ZSCAN29: variants seen among roughly 807,000 people sequenced by gnomAD.
ZSCAN29 encodes zinc finger and SCAN domain-containing protein 29.
In ZSCAN29, 55 loss-of-function variants were observed where a neutral mutation model predicts 71.9. The ratio of observed to expected loss-of-function variants is 0.76; its 90% CI spans 0.62 to 0.96. The LOEUF is 0.96. Ranked by LOEUF, ZSCAN29 falls within the 40% of genes least tolerant of loss-of-function variation. The probability of loss-of-function intolerance (pLI) is 0.00; values close to 1 mark genes in which losing one functional copy is unlikely to be tolerated. For synonymous variants in ZSCAN29, 351 were observed against 371.6 expected (o/e 0.94, Z 0.64); for missense variants, 1,042 against 1,042.2 (o/e 1.00, Z 0.00).
chr15:43,361,643 G>C lies in ZSCAN29; in HGVS notation c.1989C>G (p.Asn663Lys), dbSNP rs772096076. ...GGGATACCTGATGCATGAGAAGGGA[G>C]TTTGGACCAAAGCTTTTGCTGTATT... ...YLKYSKSFGP[N>K]SLLMHQVSHQ... The change falls in exon 6 of 6, where the codon AAC (asparagine) becomes AAG (lysine). Residue 663 changes from asparagine (N) to lysine (K), a missense_variant. By Grantham distance (94) the Asn-to-Lys change is moderately conservative (BLOSUM62 0). Coordinates refer to ENST00000684362, the MANE Select transcript of ZSCAN29 (RefSeq NM_001372080.1). 15 of 1,614,194 alleles carry C rather than the reference G, an allele frequency of 9.3e-6. No homozygotes were observed. Among genetic ancestry groups the C allele is most frequent in the Non-Finnish European group, 1.3e-5 (15 of 1,180,032 alleles).
Position 43,361,258 on chromosome 15 carries a change from A to C in ZSCAN29, c.2374T>G (p.Cys792Gly). The change falls in exon 6 of 6, where the codon TGT (cysteine) becomes GGT (glycine). Residue 792 changes from cysteine to glycine, a missense_variant. Transcript: ENST00000684362. ...CTGAAACTCTTTCCACAGTCAGGAC[A>C]CACATGGGGTCTCTCTCCTGTGTGT... ...RIHTGERPHVCPDCGKSFSKS... is the reference protein window; with the variant it reads ...RIHTGERPHVGPDCGKSFSKS... The C allele has an allele frequency of 6.2e-7, 1 of 1,614,202 alleles. No homozygotes were observed. Among genetic ancestry groups the C allele is most frequent in the South Asian group, 1.1e-5 (1 of 91,086 alleles).
At position 43,366,482 on chromosome 15, in the gene ZSCAN29, C is replaced by T; in HGVS notation, c.850G>A (p.Glu284Lys). 1 of 1,614,222 alleles carries T rather than the reference C, an allele frequency of 6.2e-7. No homozygotes were observed. The highest frequency in any genetic ancestry group is 8.5e-7 in the Non-Finnish European group (1 of 1,180,050). The change falls in exon 4 of 6, where the codon GAG becomes AAG. Residue 284 changes from glutamate (E) to lysine (K), a missense_variant. By Grantham distance (56) the Glu-to-Lys change is moderately conservative (BLOSUM62 1). Coordinates refer to ENST00000684362, the MANE Select transcript of ZSCAN29 (RefSeq NM_001372080.1). ...RNSQVYGAVA[E>K]RLREYGFLRT... ...AGGAAGCCATATTCCCTGAGCCGCT[C>T]AGCCACAGCCCCATACACTTGGCTG...
Position 43,370,975 on chromosome 15 carries a change from A to ACCCCGGCCCCGACCCCGGCCCCGG in ZSCAN29, c.-531_-530insCCGGGGCCGGGGTCGGGGCCGGGG, listed in dbSNP as rs1555393158. The stretch of plus-strand genomic sequence containing the variant: ...CTCACCCACTCGGGGTCCGACCCTG[A>ACCCCGGCCCCGACCCCGGCCCCGG]CCCCGGCCCCGGCCCCGGCCCCGGC... On this transcript the variant is annotated 5_prime_UTR_variant, in exon 1 of 6. Transcript: ENST00000684362. 1.0e-4 allele frequency: 26 copies of ACCCCGGCCCCGACCCCGGCCCCGG among 259,452 alleles called. 1 individual carries two copies. The highest frequency in any genetic ancestry group is 1.6e-4 in the Non-Finnish European group (21 of 129,576). The allele number at this position is 259,452 out of a possible 1,614,324, so 16.1% of individuals were successfully genotyped here. A position where few individuals can be genotyped will look rare whatever the true frequency, so the allele number is the denominator to read the frequency against.
chr15:43,370,217 G>GT (rs1163911868), intron 1 of ZSCAN29, 192 bp from the exon 2 acceptor site: 1 of 337,198 alleles, frequency 3.0e-6, no homozygotes, highest in Non-Finnish European at 5.5e-6. Context: ...GAGAATAAAA[G>GT]TACTGTCTGC....
rs549809797 is a variant in ZSCAN29 at position 43,361,012 on chromosome 15, T to C, written c.*61A>G. ...ACAGAATAGTAGATGAATCTCACTA[T>C]TGGAAGACTTTCTAAACAATACATT... On this transcript the variant is annotated 3_prime_UTR_variant, in exon 6 of 6. Transcript: ENST00000684362. 9 of 1,515,236 alleles carry C rather than the reference T, an allele frequency of 5.9e-6. No individual in the cohort carries two copies. In the East Asian group the frequency reaches 6.8e-5, roughly 11 times the overall value. 93.9% of individuals were successfully genotyped at this position (1,515,236 alleles called of 1,614,324 possible).
intron 3 of ZSCAN29, among the ~76,000 whole-genome samples, chr15:43,367,078 A>G (rs570457162): frequency 2.6e-5 from 4 of 152,308 alleles, no homozygotes; most frequent in African/African-American, 4.8e-5. Context: ...AAGCTCTCCT[A>G]TTTGTAGGCA....
In ZSCAN29 at chr15:43,360,843, C is replaced by T. The variant is rs752682924; in HGVS notation, c.*230G>A. ...GCACTGAGAGGGAAAAGATGTTATC[C>T]ATCAATTCAGATGCAGGCAAAGAGA... On this transcript the variant is annotated 3_prime_UTR_variant, in exon 6 of 6. Transcript: ENST00000684362. 7.6e-6 allele frequency: 4 copies of T among 527,632 alleles called. No individual in the cohort carries two copies. Among genetic ancestry groups the T allele is most frequent in the African/African-American group, 1.9e-5 (1 of 53,098 alleles). The allele number at this position is 527,632 out of a possible 1,614,324, so 32.7% of individuals were successfully genotyped here.
intron 3 of ZSCAN29, among the ~76,000 whole-genome samples, chr15:43,367,472 C>G (rs1004856931): frequency 2.0e-5 from 3 of 152,158 alleles, no homozygotes; most frequent in African/African-American, 7.2e-5. Flanking sequence ...ACTTTTAATT[C>G]CCTCCTATCC....
At chr15:43,364,440 C>G (rs751200730) in intron 4 of ZSCAN29, 58 bp from the exon 5 acceptor site, 11 of 1,463,914 alleles carry the variant, frequency 7.5e-6, no homozygotes, top group Non-Finnish European at 1.0e-5. Context: ...AGCCTGAATT[C>G]CTCAGTCCTA....
intron 3 of ZSCAN29, among the ~76,000 whole-genome samples, 177 bp from the exon 4 acceptor site, chr15:43,366,985 ATGAGAAATG>A (rs1469431714): frequency 6.6e-6 from 1 of 152,196 alleles, no homozygotes; most frequent in Non-Finnish European, 1.5e-5. Flanking sequence ...ACCTCAAAAG[ATGAGAAATG>A]TTTTATTTTC....
chr15:43,361,728 A>C lies in ZSCAN29; in HGVS notation c.1904T>G (p.Leu635Ter). 1 of 1,614,172 alleles carries C rather than the reference A, an allele frequency of 6.2e-7. No individual in the cohort carries two copies. The highest frequency in any genetic ancestry group is 8.5e-7 in the Non-Finnish European group (1 of 1,180,034). Residue 635 changes from leucine (L) to a stop codon, truncating the protein, a stop_gained, in exon 6 of 6, where the codon TTA becomes TGA. Transcript: ENST00000684362. LOFTEE classifies it high-confidence loss of function. ...RGKLTLPEKS[L>*]SEVLSQQRPC... ...TCTCTGTTGACTTAGGACTTCACTT[A>C]AGCTCTTCTCCGGGAGTGTCAGTTT...
At chr15:43,364,607 G>A (rs2044017471) in intron 4 of ZSCAN29, 2 of 602,786 alleles carry the variant, frequency 3.3e-6, no homozygotes, top group Admixed American at 2.4e-5. Context: ...ATTCTGTTTA[G>A]CCATATAAAA....
chr15:43,361,499 A>G lies in ZSCAN29; in HGVS notation c.2133T>C (p.Cys711=). The part of the protein sequence containing the change: ...TGEKPYKCLD[C]GKSFRDSSNF... The stretch of plus-strand genomic sequence containing the variant: ...TTGAACTGTCACGGAAACTTTTTCC[A>G]CAGTCAAGACATTTATAAGGTTTCT... Residue 711 remains cysteine, a synonymous_variant, in exon 6 of 6, where the codon TGT becomes TGC. Transcript: ENST00000684362. 6.2e-7 allele frequency: 1 copy of G among 1,614,210 alleles called. No homozygotes were observed. The highest frequency in any genetic ancestry group is 8.5e-7 in the Non-Finnish European group (1 of 1,180,030).
At position 43,361,538 on chromosome 15, in the gene ZSCAN29, T is replaced by C; in HGVS notation, c.2094A>G (p.Arg698=). ...TATAAGGTTTCTCTCCAGTGTGGAT[T>C]CTCCGGTGTCTAATGAGTCGTGCAC... ...SRSARLIRHR[R]IHTGEKPYKC... The change falls in exon 6 of 6, where the codon AGA becomes AGG. Residue 698 remains arginine (R), a synonymous_variant. Transcript: ENST00000684362. 1 of 1,613,912 alleles carries C rather than the reference T, an allele frequency of 6.2e-7. No individual in the cohort carries two copies. The highest frequency in any genetic ancestry group is 8.5e-7 in the Non-Finnish European group (1 of 1,179,926).
At chr15:43,362,583 T>C (rs1015780555) in intron 5 of ZSCAN29, among the ~76,000 whole-genome samples, 1 of 152,210 alleles carries the variant, frequency 6.6e-6, no homozygotes, top group Non-Finnish European at 1.5e-5. Context: ...CTGAATCCCA[T>C]ATTCCCTAGA....
At chr15:43,368,820 C>A in intron 3 of ZSCAN29, 103 bp downstream of exon 3, 2 of 1,097,700 alleles carry the variant, frequency 1.8e-6, no homozygotes, top group Non-Finnish European at 2.6e-6. Flanking sequence ...ACATATTCTG[C>A]AATTTCCACT....
At position 43,364,137 on chromosome 15, in the gene ZSCAN29, T is replaced by C. The variant is rs1316549759; in HGVS notation, c.1468A>G (p.Met490Val). The change falls in exon 5 of 6, where the codon ATG becomes GTG. Residue 490 changes from methionine to valine, a missense_variant. Coordinates refer to ENST00000684362, the MANE Select transcript of ZSCAN29 (RefSeq NM_001372080.1). Reference sequence around the variant, plus strand: ...ACCCGGACACTCACCAAAGCATCCATCTCTTCAAAGAAGGGACAGGTCTCT... The same window carrying C: ...ACCCGGACACTCACCAAAGCATCCACCTCTTCAAAGAAGGGACAGGTCTCT... ...APETCPFFEEMDALVSVRVAA... is the reference protein window; with the variant it reads ...APETCPFFEEVDALVSVRVAA... 6.2e-7 allele frequency: 1 copy of C among 1,614,156 alleles called. No individual in the cohort carries two copies. The highest frequency in any genetic ancestry group is 8.5e-7 in the Non-Finnish European group (1 of 1,180,048).
At position 43,364,067 on chromosome 15, in the gene ZSCAN29, G is replaced by A; in HGVS notation, c.1538C>T (p.Pro513Leu). Reference sequence around the variant, plus strand: ...TTCAGCCTCACTGGTCCCCTGGACGGGGCAAGAAGCAGTCTCTTCCTGGCC... The same window carrying A: ...TTCAGCCTCACTGGTCCCCTGGACGAGGCAAGAAGCAGTCTCTTCCTGGCC... ...NDGQEETASC[P>L]VQGTSEAEAQ... is the part of the protein sequence containing the mutation. Residue 513 changes from proline to leucine, a missense_variant, in exon 5 of 6, where the codon CCC (proline) becomes CTC (leucine). Coordinates refer to ENST00000684362, the MANE Select transcript of ZSCAN29 (RefSeq NM_001372080.1). 1 of 1,614,146 alleles carries A rather than the reference G, an allele frequency of 6.2e-7. No individual in the cohort carries two copies. Among genetic ancestry groups the A allele is most frequent in the Non-Finnish European group, 8.5e-7 (1 of 1,180,042 alleles).
chr15:43,366,310 T>C lies in ZSCAN29; in HGVS notation c.1022A>G (p.Asn341Ser). The change falls in exon 4 of 6, where the codon AAT (asparagine) becomes AGT (serine). Residue 341 changes from asparagine to serine, a missense_variant. Asn to Ser is a conservative substitution (Grantham distance 46). Coordinates refer to ENST00000684362, the MANE Select transcript of ZSCAN29 (RefSeq NM_001372080.1). ...MSAQVIALPS[N>S]GLEAAASHSG... ...GTGAGAGGCTGCTGCTTCCAGGCCA[T>C]TACTGGGCAGGGCAATGACCTGAGC... The C allele has an allele frequency of 3.1e-6, 5 of 1,613,056 alleles. No individual in the cohort carries two copies. Among genetic ancestry groups the C allele is most frequent in the South Asian group, 1.1e-5 (1 of 91,072 alleles).
Sources: allele counts gnomAD v4.1 joint callset (sites outside exome capture counted in the v4.1 genomes callset), GRCh38; gene constraint gnomAD v4.1.1; transcripts MANE v1.5; gene names NCBI Gene and HGNC (gene_info 2026-07-23, HGNC 2026-07-21).